The following SUGCT variants were observed in gnomAD, a reference collection of about 807,000 sequenced individuals.
The protein encoded by SUGCT is succinyl-CoA:glutarate CoA-transferase.
SUGCT carries 41 observed loss-of-function variants against 55.0 expected under a neutral mutation model. The ratio of observed to expected loss-of-function variants is 0.74; its 90% CI spans 0.58 to 0.97. The LOEUF (loss-of-function observed/expected upper bound fraction) is 0.97, where lower values mean the gene tolerates loss of function less well. SUGCT is among the 50% of genes least tolerant of loss of function. SUGCT has a pLI of 0.00. For synonymous variants in SUGCT, 187 were observed against 200.4 expected (o/e 0.93, Z 0.56); for missense variants, 568 against 547.8 (o/e 1.04, Z -0.37).
the SUGCT span, among the ~76,000 whole-genome samples, chr7:40,954,876 A>G: frequency 6.6e-6 from 1 of 152,162 alleles, no homozygotes; most frequent in Non-Finnish European, 1.5e-5. Flanking sequence ...TTTTCCCAAC[A>G]CCATTTATTA....
chr7:40,478,844 T>C (rs1790857850), intron 11 of SUGCT, among the ~76,000 whole-genome samples: 1 of 152,128 alleles, frequency 6.6e-6, no homozygotes, highest in Non-Finnish European at 1.5e-5. Context: ...AATCTAATAT[T>C]AATCTAATCC....
intron 12 of SUGCT, among the ~76,000 whole-genome samples, chr7:40,619,087 C>T (rs1228072148): frequency 6.6e-6 from 1 of 152,184 alleles, no homozygotes. Context: ...ATGGGAGTTC[C>T]CCTTTGGCTA....
At chr7:40,509,330 A>G (rs1449337110) in intron 12 of SUGCT, among the ~76,000 whole-genome samples, 4 of 152,156 alleles carry the variant, frequency 2.6e-5, no homozygotes, top group Non-Finnish European at 4.4e-5. Context: ...TCTACTGTGC[A>G]CTTCCGCAGC....
At chr7:40,396,185 C>A (rs1430898539) in intron 9 of SUGCT, among the ~76,000 whole-genome samples, 1 of 152,116 alleles carries the variant, frequency 6.6e-6, no homozygotes, top group East Asian at 1.9e-4. Flanking sequence ...AAGATGACTT[C>A]TGTTAGATAA....
At chr7:40,588,455 A>G (rs1488567062) in intron 12 of SUGCT, among the ~76,000 whole-genome samples, 8 of 152,140 alleles carry the variant, frequency 5.3e-5, no homozygotes, top group Admixed American at 5.2e-4. Context: ...CTCCTGGTCC[A>G]TTATCTACAG....
chr7:40,510,410 A>C (rs917757224), intron 12 of SUGCT, among the ~76,000 whole-genome samples: 12 of 152,250 alleles, frequency 7.9e-5, no homozygotes, highest in African/African-American at 2.6e-4. Context: ...TGGTAAACAC[A>C]GTGTTTTGGA....
chr7:40,632,237 T>G (rs1799821893), intron 12 of SUGCT, among the ~76,000 whole-genome samples: 1 of 152,186 alleles, frequency 6.6e-6, no homozygotes, highest in Non-Finnish European at 1.5e-5. Context: ...GTCAGCATCA[T>G]TCTGAAGCCT....
intron 10 of SUGCT, among the ~76,000 whole-genome samples, chr7:40,450,470 G>A (rs1445202892): frequency 6.7e-6 from 1 of 149,530 alleles, no homozygotes; most frequent in African/African-American, 2.5e-5. Flanking sequence ...TGAGCTTTCA[G>A]TGTTATTAAA....
the SUGCT span, among the ~76,000 whole-genome samples, chr7:40,901,846 C>T: frequency 6.6e-6 from 1 of 152,128 alleles, no homozygotes; most frequent in African/African-American, 2.4e-5. Flanking sequence ...TTTTAAGATT[C>T]CAGGAACTCA....
At chr7:40,377,473 C>T (rs935853505) in intron 9 of SUGCT, among the ~76,000 whole-genome samples, 3 of 151,634 alleles carry the variant, frequency 2.0e-5, no homozygotes, top group Non-Finnish European at 4.4e-5. Context: ...GATCTTCTCA[C>T]CTCAGGTGAT....
chr7:40,279,001 A>G (rs1011659832), intron 8 of SUGCT, among the ~76,000 whole-genome samples: 1 of 123,002 alleles, frequency 8.1e-6, no homozygotes, highest in African/African-American at 2.8e-5. Context: ...TAATTTTTGT[A>G]TTTTTTTTTT....
At chr7:40,865,616 A>G (rs6944513), downstream of SUGCT, among the ~76,000 whole-genome samples, 117 of 152,318 alleles carry the variant, frequency 7.7e-4, no homozygotes, top group African/African-American at 2.6e-3. Context: ...CTGGAGCCGA[A>G]CAGCTTGGGT....
intron 13 of SUGCT, among the ~76,000 whole-genome samples, chr7:40,833,203 A>C (rs1248844337): frequency 1.3e-5 from 2 of 152,176 alleles, no homozygotes; most frequent in African/African-American, 4.8e-5. Context: ...TGGAAGAAAA[A>C]AAGAATCCAA....
At position 40,464,901 on chromosome 7, in the gene SUGCT, A is replaced by G. The variant is rs537611746; in HGVS notation, c.986+5703A>G. ...CTTATGATGTTTACAATTTAATGAT[A>G]GTTTTATTGGGACATAATACCTTCA... is the stretch of plus-strand genomic sequence containing the variant. On this transcript the variant is annotated intron_variant, in intron 11 of 13. Transcript: ENST00000335693. Among the ~76,000 whole-genome samples the G allele has an allele frequency of 3.2e-4, 48 of 152,362 alleles. No individual in the cohort carries two copies. The South Asian group carries it at 8.7e-3, about 28-fold the overall frequency.
chr7:40,943,066 G>T, the SUGCT span, among the ~76,000 whole-genome samples: 1 of 151,710 alleles, frequency 6.6e-6, no homozygotes, highest in South Asian at 2.1e-4. Flanking sequence ...ATATCTCAAA[G>T]ATGTCATCTT....
At chr7:40,786,795 A>C (rs1450738143) in intron 13 of SUGCT, among the ~76,000 whole-genome samples, 2 of 152,130 alleles carry the variant, frequency 1.3e-5, no homozygotes, top group African/African-American at 4.8e-5. Context: ...CCTGAATTGG[A>C]TGTTAGCCTT....
intron 12 of SUGCT, among the ~76,000 whole-genome samples, chr7:40,679,433 C>G (rs750928687): frequency 6.6e-6 from 1 of 152,116 alleles, no homozygotes; most frequent in Non-Finnish European, 1.5e-5. Flanking sequence ...CTGATCTATG[C>G]TGGAGTGTCT....
chr7:40,958,176 T>C, the SUGCT span, among the ~76,000 whole-genome samples: 1 of 152,104 alleles, frequency 6.6e-6, no homozygotes, highest in African/African-American at 2.4e-5. Flanking sequence ...TTTGTGGTGT[T>C]CTCTGTATTT....
intron 9 of SUGCT, among the ~76,000 whole-genome samples, chr7:40,354,769 A>T (rs920487069): frequency 9.2e-5 from 14 of 152,258 alleles, no homozygotes; most frequent in African/African-American, 3.4e-4. Context: ...TATAGGAAGC[A>T]GGAAATGTGA....
Sources: gnomAD v4.1 joint callset for allele counts (sites outside exome capture counted in the v4.1 genomes callset) on GRCh38, gnomAD v4.1.1 for gene constraint, MANE v1.5 for transcripts, NCBI Gene and HGNC (gene_info 2026-07-23, HGNC 2026-07-21) for gene names.